NKIRAS1: variants seen among roughly 807,000 people sequenced by gnomAD.
NKIRAS1 encodes NFKB inhibitor interacting Ras like 1.
In NKIRAS1, 16 loss-of-function variants were observed where a neutral mutation model predicts 19.8. That is an observed-to-expected ratio of 0.81 (90% CI 0.55 to 1.23). The LOEUF (loss-of-function observed/expected upper bound fraction) is 1.23. NKIRAS1 is among the 50% of genes most tolerant of loss of function. The pLI is 0.00. For synonymous variants in NKIRAS1, 88 were observed against 79.0 expected, an observed-to-expected ratio of 1.11 and a Z score of -0.61; for missense variants, 184 against 220.0, an observed-to-expected ratio of 0.84 and a Z score of 1.04.
Position 23,910,698 on chromosome 3 carries a change from T to G in NKIRAS1, c.94+113A>C, listed in dbSNP as rs936110832. 2.5e-5 allele frequency: 18 copies of G among 730,372 alleles called. No individual in the cohort carries two copies. The African/African-American group carries it at 3.0e-4, about 12-fold the overall frequency. 45.2% of individuals were successfully genotyped at this position (730,372 alleles called of 1,614,324 possible). On this transcript the variant is annotated intron_variant, in intron 3 of 4. Transcript: ENST00000425478. The stretch of plus-strand genomic sequence containing the variant: ...ACCTCTTAATCTCTTTTGGTCCCTC[T>G]GGATTATACCTCCCCTTTATGTACC...
chr3:23,898,526 T>G (rs1340088117), intron 4 of NKIRAS1, among the ~76,000 whole-genome samples: 1 of 151,200 alleles, frequency 6.6e-6, no homozygotes, highest in Non-Finnish European at 1.5e-5. Flanking sequence ...CACTGCAACC[T>G]CTGCCTCCCG....
rs750358236 is a variant in NKIRAS1 at position 23,890,120 on chromosome 3, G to A, written c.*2975C>T. On this transcript the variant is annotated 3_prime_UTR_variant, in exon 5 of 5. Transcript: ENST00000425478. ...AAGACTTCACAGTATTCACAATGCC[G>A]TTAACTGGTGACATTGAGCTAAGGG... Among the ~76,000 whole-genome samples the A allele has an allele frequency of 1.3e-4, 20 of 152,136 alleles. No homozygotes were observed. The highest frequency in any genetic ancestry group is 2.9e-4 in the Non-Finnish European group (20 of 68,042).
intron 1 of NKIRAS1, among the ~76,000 whole-genome samples, chr3:23,941,927 T>C (rs937820866): frequency 6.6e-6 from 1 of 152,212 alleles, no homozygotes; most frequent in South Asian, 2.1e-4. Flanking sequence ...CAAATTTAAA[T>C]AGTGGTAACC....
chr3:23,945,153 A>ACGGTAGCC (rs1553593705), intron 1 of NKIRAS1: 1 of 112,372 alleles, frequency 8.9e-6, no homozygotes, highest in Non-Finnish European at 1.9e-5. Flanking sequence ...GCAGGAGAAA[A>ACGGTAGCC]GGGTAGCCGG....
At chr3:23,897,439 A>T (rs370524296) in intron 4 of NKIRAS1, among the ~76,000 whole-genome samples, 1 of 152,192 alleles carries the variant, frequency 6.6e-6, no homozygotes, top group African/African-American at 2.4e-5. Context: ...TTACTTATTC[A>T]ATTTTTTAAA....
At chr3:23,918,489 A>G (rs763678212), upstream of NKIRAS1, 10 of 1,613,738 alleles carry the variant, frequency 6.2e-6, no homozygotes, top group Admixed American at 6.7e-5. Context: ...GAAAACGCCC[A>G]GTTCCTAAGG....
At chr3:23,894,384 C>T (rs1701774322) in intron 4 of NKIRAS1, among the ~76,000 whole-genome samples, 2 of 152,206 alleles carry the variant, frequency 1.3e-5, no homozygotes, top group South Asian at 4.1e-4. Flanking sequence ...AGCTTGAGCT[C>T]CCTGTGCTCC....
At position 23,898,899 on chromosome 3, in the gene NKIRAS1, G is replaced by C. The variant is rs533834862; in HGVS notation, c.336+1909C>G. On this transcript the variant is annotated intron_variant, in intron 4 of 4. Coordinates refer to ENST00000425478, the MANE Select transcript of NKIRAS1 (RefSeq NM_020345.4). ...CCGCCTCCTGTCACATCAGTGGCAT[G>C]AGGTTCTCACAGGAGCTGGAGAATC... Among the ~76,000 whole-genome samples the C allele has an allele frequency of 2.0e-5, 3 of 152,320 alleles. No homozygotes were observed. In the South Asian group the frequency reaches 6.2e-4, roughly 32 times the overall value.
At chr3:23,924,401 T>C (rs1235022508) in intron 1 of NKIRAS1, 1 of 152,228 alleles carries the variant, frequency 6.6e-6, no homozygotes, top group Admixed American at 6.5e-5. Context: ...CTTCATAATT[T>C]TTCTGCTCAT....
chr3:23,919,849 G>T, upstream of NKIRAS1: 5 of 1,019,664 alleles, frequency 4.9e-6, no homozygotes, highest in Non-Finnish European at 5.9e-6. Context: ...AGCTTTATCG[G>T]AGTGATGGCA....
chr3:23,900,641 C>CAAA (rs57762803), intron 4 of NKIRAS1, among the ~76,000 whole-genome samples, 167 bp downstream of exon 4: 16 of 114,054 alleles, frequency 1.4e-4, no homozygotes, highest in South Asian at 6.3e-4. Context: ...GACTCCGTCT[C>CAAA]AAAAAAAAAA....
intron 1 of NKIRAS1, among the ~76,000 whole-genome samples, chr3:23,931,190 G>T (rs1462702449): frequency 6.6e-6 from 1 of 152,044 alleles, no homozygotes; most frequent in Non-Finnish European, 1.5e-5. Flanking sequence ...TTCTGAAGTG[G>T]TTTGAAACTC....
intron 1 of NKIRAS1, among the ~76,000 whole-genome samples, chr3:23,913,040 CAAAAAA>C (rs1169515621): frequency 1.5e-4 from 7 of 47,698 alleles, no homozygotes; most frequent in African/African-American, 4.0e-4. Context: ...GACTCCGTCT[CAAAAAA>C]AAAAAAAAAA....
chr3:23,898,616 G>C (rs1313030061), intron 4 of NKIRAS1, among the ~76,000 whole-genome samples: 2 of 151,952 alleles, frequency 1.3e-5, no homozygotes, highest in Admixed American at 6.6e-5. Context: ...GCTAATTTTT[G>C]TATTTTTTTA....
At position 23,922,098 on chromosome 3, in the gene NKIRAS1, C is replaced by T. The variant is rs533606265; in HGVS notation, c.-139-10648G>A. 136 of 155,258 alleles carry T rather than the reference C, an allele frequency of 8.8e-4. 1 individual carries two copies. Among genetic ancestry groups the T allele is most frequent in the Middle Eastern group, 3.3e-3 (1 of 302 alleles). 9.6% of individuals were successfully genotyped at this position (155,258 alleles called of 1,614,324 possible). A position where few individuals can be genotyped will look rare whatever the true frequency, so the allele number is the denominator to read the frequency against. Reference sequence around the variant, plus strand: ...TCGGTAACCAAGGTGGGCTTGAGCTCATGAGTTAGAGAGCAGCCTGAGCAA... The same window carrying T: ...TCGGTAACCAAGGTGGGCTTGAGCTTATGAGTTAGAGAGCAGCCTGAGCAA... On this transcript the variant is annotated intron_variant, in intron 1 of 4. Coordinates refer to the NKIRAS1 transcript ENST00000421515. The surrounding 1 kb of genome is among the most constrained non-coding windows in gnomAD (Gnocchi z 4.2).
At chr3:23,930,874 T>G (rs1253818571) in intron 1 of NKIRAS1, among the ~76,000 whole-genome samples, 2 of 151,182 alleles carry the variant, frequency 1.3e-5, no homozygotes, top group Middle Eastern at 3.2e-3. Context: ...GGCTGTTTTT[T>G]TTTTTTTTTT....
At chr3:23,920,159 C>T (rs1191999864), upstream of NKIRAS1, 10 of 985,686 alleles carry the variant, frequency 1.0e-5, no homozygotes, top group Non-Finnish European at 1.2e-5. Flanking sequence ...GCTGGTGAGC[C>T]AGTGGCCATT....
chr3:23,919,150 A>G, upstream of NKIRAS1: 1 of 1,337,200 alleles, frequency 7.5e-7, no homozygotes, highest in Non-Finnish European at 1.1e-6. Flanking sequence ...ACTTGCTGCT[A>G]TAGGCAATGT....
At chr3:23,920,358 A>G (rs1319721256), upstream of NKIRAS1, 9 of 985,372 alleles carry the variant, frequency 9.1e-6, no homozygotes, top group Non-Finnish European at 9.6e-6. Context: ...CCCATAGGCT[A>G]CAGAAAAAGT....
Sources: gnomAD v4.1 joint callset for allele counts (sites outside exome capture counted in the v4.1 genomes callset) on GRCh38, gnomAD v4.1.1 for gene constraint, Gnocchi (gnomAD v3.1) non-coding constraint, MANE v1.5 for transcripts, NCBI Gene and HGNC (gene_info 2026-07-23, HGNC 2026-07-21) for gene names.